GRIN2B: variants seen among roughly 807,000 people sequenced by gnomAD.
GRIN2B encodes the protein glutamate receptor ionotropic, NMDA 2B.
A neutral mutation model predicts 114.5 loss-of-function variants in GRIN2B; 5 were observed. The observed-to-expected ratio is 0.04, with a 90% CI of 0.02 to 0.09. The LOEUF (loss-of-function observed/expected upper bound fraction) is 0.09, where lower values mean the gene tolerates loss of function less well. Among genes scored for constraint, GRIN2B ranks in the 10% least tolerant of loss-of-function variants. GRIN2B has a pLI of 1.00. For missense variants in GRIN2B, 1,108 were observed against 1,943.5 expected (o/e 0.57, Z 8.08); for synonymous variants, 787 against 745.1 (o/e 1.06, Z -0.92).
At position 13,867,991 on chromosome 12, in the gene GRIN2B, G is replaced by A. The variant is rs576828495; in HGVS notation, c.-18-1765C>T. ...AATAAAGAAAGATAAGGAAGTGTTC[G>A]AGTTGAGCAGTCAGTCTTGACTGCA... On this transcript the variant is annotated intron_variant, in intron 2 of 13. Coordinates refer to ENST00000609686, the MANE Select transcript of GRIN2B (RefSeq NM_000834.5). 5.9e-5 allele frequency among the ~76,000 whole-genome samples: 9 copies of A among 152,202 alleles called. 1 individual carries two copies. The highest frequency in any genetic ancestry group is 1.4e-4 in the African/African-American group (6 of 41,538).
intron 3 of GRIN2B, among the ~76,000 whole-genome samples, chr12:13,810,234 G>A (rs1235606032): frequency 3.7e-5 from 5 of 134,280 alleles, no homozygotes; most frequent in African/African-American, 8.4e-5. Flanking sequence ...TTTTTTTTTC[G>A]AGACAGAGGC....
chr12:13,803,879 C>T (rs938315842), intron 3 of GRIN2B, among the ~76,000 whole-genome samples: 1 of 152,178 alleles, frequency 6.6e-6, no homozygotes, highest in Non-Finnish European at 1.5e-5. Context: ...GGGCATTTGC[C>T]TTTCTGCCTG....
rs1325128924 is a variant in GRIN2B at position 13,545,207 on chromosome 12, C to G, written c.*17576G>C. 6.6e-6 allele frequency: 1 copy of G among 152,210 alleles called. No homozygotes were observed. The highest frequency in any genetic ancestry group is 2.4e-5 in the African/African-American group (1 of 41,436). The allele number at this position is 152,210 out of a possible 1,614,324, so 9.4% of individuals were successfully genotyped here. A position where few individuals can be genotyped will look rare whatever the true frequency, so the allele number is the denominator to read the frequency against. On this transcript the variant is annotated 3_prime_UTR_variant, in exon 14 of 14. Coordinates refer to ENST00000609686, the MANE Select transcript of GRIN2B (RefSeq NM_000834.5). Reference sequence around the variant, plus strand: ...TCTCACTCCCTCATTTCCTCCAAACCTTTACTTAAATGTCATCTTTGCTTA... The same window carrying G: ...TCTCACTCCCTCATTTCCTCCAAACGTTTACTTAAATGTCATCTTTGCTTA...
chr12:13,646,077 T>C (rs1225453250), intron 5 of GRIN2B, among the ~76,000 whole-genome samples: 2 of 152,134 alleles, frequency 1.3e-5, no homozygotes, highest in African/African-American at 4.8e-5. Context: ...TGGTAAGTAG[T>C]CTACAACAGC....
chr12:13,662,733 C>G (rs1949936691), intron 5 of GRIN2B, among the ~76,000 whole-genome samples: 1 of 152,126 alleles, frequency 6.6e-6, no homozygotes, highest in South Asian at 2.1e-4. Context: ...CAGGGAATGT[C>G]TTGAGCAACT....
chr12:13,748,068 T>C (rs1565522737), intron 4 of GRIN2B, among the ~76,000 whole-genome samples: 1 of 152,214 alleles, frequency 6.6e-6, no homozygotes, highest in Non-Finnish European at 1.5e-5. Flanking sequence ...AAAGTCACTC[T>C]TCCCCATCCC....
chr12:13,670,796 C>G (rs909740387), intron 5 of GRIN2B, among the ~76,000 whole-genome samples: 1 of 152,126 alleles, frequency 6.6e-6, no homozygotes, highest in Non-Finnish European at 1.5e-5. Context: ...TCCTTCTCCA[C>G]ATTCCTACAT....
At chr12:13,638,636 C>T (rs1374514158) in intron 5 of GRIN2B, among the ~76,000 whole-genome samples, 1 of 152,068 alleles carries the variant, frequency 6.6e-6, no homozygotes, top group Non-Finnish European at 1.5e-5. Context: ...TACATGAGTC[C>T]ATCTCTGTTT....
intron 3 of GRIN2B, among the ~76,000 whole-genome samples, chr12:13,798,854 C>T (rs1454265882): frequency 1.3e-5 from 2 of 152,234 alleles, no homozygotes; most frequent in African/African-American, 4.8e-5. Flanking sequence ...AAGGGTCTGT[C>T]ATTCCAGCAT....
chr12:13,671,458 T>A (rs907362648), intron 5 of GRIN2B, among the ~76,000 whole-genome samples: 3 of 152,122 alleles, frequency 2.0e-5, no homozygotes, highest in Non-Finnish European at 4.4e-5. Flanking sequence ...TGGGACTACT[T>A]TTAGGAACCT....
chr12:13,806,559 T>C (rs528577736), intron 3 of GRIN2B, among the ~76,000 whole-genome samples: 24 of 152,292 alleles, frequency 1.6e-4, no homozygotes, highest in African/African-American at 5.5e-4. Context: ...TTGCCCATTT[T>C]AAGTCAGGTT....
intron 5 of GRIN2B, 111 bp downstream of exon 5, chr12:13,675,634 T>C (rs1348165694): frequency 3.9e-6 from 3 of 760,428 alleles, no homozygotes; most frequent in African/African-American, 3.4e-5. Flanking sequence ...TATTGATCCC[T>C]TGCTCCACAG....
At chr12:13,725,054 C>T (rs1862957024) in intron 4 of GRIN2B, among the ~76,000 whole-genome samples, 1 of 152,106 alleles carries the variant, frequency 6.6e-6, no homozygotes, top group South Asian at 2.1e-4. Context: ...AGCAATAATG[C>T]TTGTATAGCA....
intron 2 of GRIN2B, among the ~76,000 whole-genome samples, chr12:13,866,607 C>T (rs1414585085): frequency 1.3e-5 from 2 of 152,114 alleles, no homozygotes; most frequent in Non-Finnish European, 2.9e-5. Flanking sequence ...GAAAGCAAGG[C>T]CAGACAAAGT....
chr12:13,849,927 T>A (rs559415617), intron 3 of GRIN2B, among the ~76,000 whole-genome samples: 1 of 152,268 alleles, frequency 6.6e-6, no homozygotes, highest in Admixed American at 6.5e-5. Context: ...ATCTGTCCCA[T>A]CATGCTCACA....
rs541988978 is a variant in GRIN2B, at chr12:13,554,812, A to G, written c.*7971T>C. ...TCAAATTTTTAGATATGCAGGATGA[A>G]GAAAATGGAGGAGGCAAAAGTGCCT... On this transcript the variant is annotated 3_prime_UTR_variant, in exon 14 of 14. Coordinates refer to ENST00000609686, the MANE Select transcript of GRIN2B (RefSeq NM_000834.5). The G allele has an allele frequency of 2.0e-5, 3 of 152,216 alleles. No individual in the cohort carries two copies. The highest frequency in any genetic ancestry group is 7.2e-5 in the African/African-American group (3 of 41,466). 9.4% of individuals were successfully genotyped at this position (152,216 alleles called of 1,614,324 possible).
chr12:13,629,672 C>A (rs1949601061), intron 5 of GRIN2B, among the ~76,000 whole-genome samples: 1 of 151,752 alleles, frequency 6.6e-6, no homozygotes, highest in African/African-American at 2.4e-5. Context: ...CTTTACTTTT[C>A]TCTCCCTCTC....
intron 2 of GRIN2B, among the ~76,000 whole-genome samples, chr12:13,939,604 G>C (rs1258913298): frequency 7.6e-6 from 1 of 131,090 alleles, no homozygotes; most frequent in African/African-American, 2.9e-5. Flanking sequence ...ACCCAGGCTA[G>C]AGTGCAGTAG....
intron 3 of GRIN2B, among the ~76,000 whole-genome samples, chr12:13,789,396 A>G (rs1002895943): frequency 7.2e-5 from 11 of 152,170 alleles, no homozygotes; most frequent in African/African-American, 2.7e-4. Context: ...AAGGACTTGG[A>G]TGAGGGAAAA....
Sources: gnomAD v4.1 joint callset for allele counts (sites outside exome capture counted in the v4.1 genomes callset) on GRCh38, gnomAD v4.1.1 for gene constraint, MANE v1.5 for transcripts, NCBI Gene and HGNC (gene_info 2026-07-23, HGNC 2026-07-21) for gene names.